Variants in DENND1A observed in about 807,000 individuals in gnomAD.
The protein encoded by DENND1A is DENN domain containing 1A.
A neutral mutation model predicts 113.7 loss-of-function variants in DENND1A; 51 were observed. The ratio of observed to expected loss-of-function variants is 0.45; its 90% CI spans 0.36 to 0.57. The LOEUF (loss-of-function observed/expected upper bound fraction) is 0.57. Among genes scored for constraint, DENND1A ranks in the 20% least tolerant of loss-of-function variants. The pLI is 0.00. For synonymous variants in DENND1A, 565 were observed against 570.8 expected (o/e 0.99, Z 0.14); for missense variants, 1,258 against 1,395.9 (o/e 0.90, Z 1.57).
intron 9 of DENND1A, among the ~76,000 whole-genome samples, chr9:123,630,719 A>T (rs938233426): frequency 2.0e-5 from 3 of 152,186 alleles, no homozygotes; most frequent in East Asian, 1.9e-4. Flanking sequence ...TAAAATGGTG[A>T]AAGGGATTAA....
intron 5 of DENND1A, among the ~76,000 whole-genome samples, chr9:123,692,320 T>C (rs751529110): frequency 6.6e-5 from 10 of 152,254 alleles, no homozygotes; most frequent in Non-Finnish European, 1.3e-4. Flanking sequence ...TTTTAAAATG[T>C]TGAGTGCCAC....
chr9:123,714,292 T>G (rs545675202), intron 5 of DENND1A, among the ~76,000 whole-genome samples: 1 of 152,184 alleles, frequency 6.6e-6, no homozygotes, highest in Non-Finnish European at 1.5e-5. Context: ...TCTACCATCA[T>G]GTTGCAGGGA....
chr9:123,657,083 C>T (rs2062988746), intron 8 of DENND1A, among the ~76,000 whole-genome samples: 1 of 152,216 alleles, frequency 6.6e-6, no homozygotes, highest in East Asian at 1.9e-4. Context: ...AGGAAGGTCT[C>T]TGGACAGAGC....
intron 10 of DENND1A, among the ~76,000 whole-genome samples, chr9:123,610,222 C>T (rs761932524): frequency 1.3e-5 from 2 of 152,098 alleles, no homozygotes; most frequent in Non-Finnish European, 2.9e-5. Context: ...TTTCAGGGGT[C>T]GGTGTGTATG....
chr9:123,588,633 A>AGGGGGGGG (rs1290448078), intron 11 of DENND1A, among the ~76,000 whole-genome samples: 8 of 86,436 alleles, frequency 9.3e-5, no homozygotes, highest in Non-Finnish European at 1.8e-4. Context: ...AAAAAAAAAA[A>AGGGGGGGG]GGGGGGGGGG....
chr9:123,530,591 A>G (rs2055214542), intron 13 of DENND1A, among the ~76,000 whole-genome samples: 2 of 152,196 alleles, frequency 1.3e-5, no homozygotes, highest in African/African-American at 2.4e-5. Context: ...TTGACTGTAC[A>G]ACTAACTACT....
intron 13 of DENND1A, among the ~76,000 whole-genome samples, chr9:123,488,191 G>C (rs1472144897): frequency 6.6e-6 from 1 of 152,230 alleles, no homozygotes; most frequent in East Asian, 1.9e-4. Flanking sequence ...TAAACACATG[G>C]ACAATGGAGT....
At chr9:123,834,985 C>A (rs1470386362) in intron 2 of DENND1A, among the ~76,000 whole-genome samples, 1 of 152,032 alleles carries the variant, frequency 6.6e-6, no homozygotes, top group Admixed American at 6.5e-5. Flanking sequence ...AAAAATACTG[C>A]AAGCTGTTAC....
rs766040661 is a variant in DENND1A at position 123,381,558 on chromosome 9, T to A, written c.3087A>T (p.Gln1029His). The A allele has an allele frequency of 6.2e-7, 1 of 1,613,492 alleles. No homozygotes were observed. Among genetic ancestry groups the A allele is most frequent in the East Asian group, 2.2e-5 (1 of 44,824 alleles). Residue 1029 changes from glutamine to histidine, a missense_variant, in exon 24 of 24, where the codon CAA becomes CAT. This residue lies in a region of DENND1A where 1,159 missense variants were observed against 1,231.7 expected (regional missense o/e 0.94). Coordinates refer to ENST00000394215, the MANE Select transcript of DENND1A (RefSeq NM_001352964.2). This position sits in a 1 kb window ranked among gnomAD's most constrained non-coding sequence, Gnocchi z 4.7. The part of the protein sequence containing the change: ...LEPTLQPSAP[Q>H]QARDPFEDLL... ...AATCCTCAAAGGGGTCTCTGGCCTGTTGAGGAGCAGAGGGCTGCAGTGTTG... is the reference window on the plus strand; with the variant it reads ...AATCCTCAAAGGGGTCTCTGGCCTGATGAGGAGCAGAGGGCTGCAGTGTTG...
At chr9:123,602,208 T>C (rs1336712708) in intron 11 of DENND1A, among the ~76,000 whole-genome samples, 1 of 152,218 alleles carries the variant, frequency 6.6e-6, no homozygotes, top group Non-Finnish European at 1.5e-5. Context: ...CATACTCCTG[T>C]ATGCTTTAAA....
At chr9:123,769,586 T>C (rs1829393906) in intron 3 of DENND1A, 23 bp from the exon 4 acceptor site, 1 of 1,597,292 alleles carries the variant, frequency 6.3e-7, no homozygotes, top group South Asian at 1.1e-5. Flanking sequence ...AGAGAGATAA[T>C]TTATACATCT....
At chr9:123,446,978 T>G (rs1293723112) in intron 18 of DENND1A, among the ~76,000 whole-genome samples, 1 of 152,220 alleles carries the variant, frequency 6.6e-6, no homozygotes, top group Non-Finnish European at 1.5e-5. Context: ...GTGCCTATCT[T>G]AACGTTGCCT....
chr9:123,383,870 C>T lies in DENND1A; in HGVS notation c.1804G>A (p.Gly602Ser), dbSNP rs776546729. ...RTLRESDSAE[G>S]DEAESPEQQV... Reference sequence around the variant, plus strand: ...TGCTCTGGACTCTCTGCCTCGTCGCCTTCCGCGCTGTCTGACTCCCTGAGT... The same window carrying T: ...TGCTCTGGACTCTCTGCCTCGTCGCTTTCCGCGCTGTCTGACTCCCTGAGT... Residue 602 changes from glycine to serine, a missense_variant, in exon 23 of 24, where the codon GGC becomes AGC. Around this residue, in one of 2 missense-constraint regions of DENND1A, gnomAD observed 1,159 missense variants for 1,231.7 expected, o/e 0.94. Coordinates refer to ENST00000394215, the MANE Select transcript of DENND1A (RefSeq NM_001352964.2). The T allele has an allele frequency of 1.2e-6, 2 of 1,613,078 alleles. No individual in the cohort carries two copies. Among genetic ancestry groups the T allele is most frequent in the Non-Finnish European group, 1.7e-6 (2 of 1,180,038 alleles).
chr9:123,512,014 GAGA>G (rs1564626674), intron 13 of DENND1A, among the ~76,000 whole-genome samples: 1 of 152,172 alleles, frequency 6.6e-6, no homozygotes, highest in African/African-American at 2.4e-5. Context: ...AGGGAGAGAG[GAGA>G]AGAATACAGA....
At chr9:123,404,494 T>C (rs2043774517) in intron 20 of DENND1A, among the ~76,000 whole-genome samples, 3 of 152,228 alleles carry the variant, frequency 2.0e-5, no homozygotes, top group African/African-American at 7.2e-5. Flanking sequence ...ACGGATGGGA[T>C]GCCACAACTG....
At chr9:123,532,855 A>G (rs2055437037) in intron 13 of DENND1A, among the ~76,000 whole-genome samples, 1 of 152,200 alleles carries the variant, frequency 6.6e-6, no homozygotes, top group African/African-American at 2.4e-5. Context: ...ATCTTCTAAG[A>G]GCTGCAATGT....
At chr9:123,699,917 C>CA (rs2065784771) in intron 5 of DENND1A, among the ~76,000 whole-genome samples, 1 of 152,080 alleles carries the variant, frequency 6.6e-6, no homozygotes, top group Non-Finnish European at 1.5e-5. Flanking sequence ...AGGCTGGTCT[C>CA]AAACTCCCAA....
At chr9:123,755,685 C>T (rs1464163512) in intron 5 of DENND1A, among the ~76,000 whole-genome samples, 3 of 152,146 alleles carry the variant, frequency 2.0e-5, no homozygotes, top group Non-Finnish European at 4.4e-5. Flanking sequence ...TGTGAAGATG[C>T]TGAGGATGAA....
chr9:123,497,940 C>T (rs2052093301), intron 13 of DENND1A, among the ~76,000 whole-genome samples: 1 of 152,210 alleles, frequency 6.6e-6, no homozygotes, highest in East Asian at 1.9e-4. Context: ...CAACCCAGAC[C>T]CCATGCTAGC....
Sources: gnomAD v4.1 joint callset for allele counts (sites outside exome capture counted in the v4.1 genomes callset) on GRCh38, gnomAD v4.1.1 for gene constraint, gnomAD v4.1.1 regional missense constraint, Gnocchi (gnomAD v3.1) non-coding constraint, MANE v1.5 for transcripts, NCBI Gene and HGNC (gene_info 2026-07-23, HGNC 2026-07-21) for gene names.